Variants in ADAM8 observed in about 807,000 individuals in gnomAD.
ADAM8 encodes disintegrin and metalloproteinase domain-containing protein 8.
A neutral mutation model predicts 102.4 loss-of-function variants in ADAM8; 104 were observed. The ratio of observed to expected loss-of-function variants is 1.02; its 90% CI spans 0.87 to 1.20. The LOEUF is 1.20. ADAM8 is among the 50% of genes most tolerant of loss of function. ADAM8 has a pLI of 0.00. For synonymous variants in ADAM8, 517 were observed against 485.2 expected (o/e 1.07, Z -0.86); for missense variants, 1,132 against 1,159.0 (o/e 0.98, Z 0.34).
chr10:133,263,603 C>T, intron 22 of ADAM8, 85 bp downstream of exon 22: 2 of 52,740 alleles, frequency 3.8e-5, no homozygotes, highest in African/African-American at 7.8e-4. Context: ...CCCCACCCTC[C>T]AGGGCAGTGC....
intron 22 of ADAM8, 58 bp downstream of exon 22, chr10:133,263,630 G>GGGAGGCCGTGCCACTGTCAGCCCCGTGT: frequency 1.3e-6 from 2 of 1,482,000 alleles, no homozygotes; most frequent in Non-Finnish European, 9.0e-7. Context: ...CAGCCCCGTG[G>GGGAGGCCGTGCCACTGTCAGCCCCGTGT]GGAGGCCGTG....
In ADAM8 at chr10:133,263,758, T is replaced by C; in HGVS notation, c.2327A>G (p.Lys776Arg). Residue 776 changes from lysine (K) to arginine (R), a missense_variant, in exon 22 of 23, where the codon AAG becomes AGG. Physicochemically the swap from Lys to Arg is conservative, Grantham distance 26. Transcript: ENST00000445355. ...YTRQAPKQVI[K>R]PTFAPPVPPV... The stretch of plus-strand genomic sequence containing the variant: ...GGGCACTGGGGGTGCGAACGTTGGC[T>C]TGATGACCTGGGAGGAAACAGACAC... The C allele has an allele frequency of 1.9e-6, 3 of 1,567,060 alleles. No individual in the cohort carries two copies. Among genetic ancestry groups the C allele is most frequent in the Non-Finnish European group, 1.7e-6 (2 of 1,156,228 alleles).
Position 133,268,898 on chromosome 10 carries a change from C to T in ADAM8, c.1949-36G>A, listed in dbSNP as rs886538176. ...CACGGCCCCACATCAGGCAGGCAGG[C>T]CGCGACCTCAGGCAGGAGCCAGGGA... is the stretch of plus-strand genomic sequence containing the variant. On this transcript the variant is annotated intron_variant, in intron 18 of 22. Coordinates refer to ENST00000445355, the MANE Select transcript of ADAM8 (RefSeq NM_001109.5). 3.8e-6 allele frequency: 6 copies of T among 1,591,204 alleles called. No individual in the cohort carries two copies. In the Admixed American group the frequency reaches 6.9e-5, roughly 18 times the overall value.
At chr10:133,268,200 C>G (rs552903661) in intron 19 of ADAM8, 82 bp from the exon 20 acceptor site, 1 of 1,181,686 alleles carries the variant, frequency 8.5e-7, no homozygotes, top group African/African-American at 1.6e-5. Context: ...CCTCCCAGCT[C>G]CAGCCGACCC....
Position 133,269,968 on chromosome 10 carries a change from A to G in ADAM8, c.1792T>C (p.Trp598Arg). The change falls in exon 17 of 23, where the codon TGG (tryptophan) becomes CGG (arginine). Residue 598 changes from tryptophan (W) to arginine (R), a missense_variant. Trp to Arg is a moderately radical substitution (Grantham distance 101). Transcript: ENST00000445355. Reference sequence around the variant, plus strand: ...TGTAAGTCCTGGCAACGTCCTTTCCAGCAAACCTGGGGGTAGGAGGCGTCT... The same window carrying G: ...TGTAAGTCCTGGCAACGTCCTTTCCGGCAAACCTGGGGGTAGGAGGCGTCT... ...GTRCGPEKVC[W>R]KGRCQDLHVY... 1 of 1,612,640 alleles carries G rather than the reference A, an allele frequency of 6.2e-7. No homozygotes were observed. Among genetic ancestry groups the G allele is most frequent in the Non-Finnish European group, 8.5e-7 (1 of 1,179,940 alleles).
rs1053371630 is a variant in ADAM8 at position 133,269,509 on chromosome 10, C to T, written c.1884G>A (p.Glu628=). Residue 628 remains glutamate (E), a synonymous_variant, in exon 18 of 23, where the codon GAG becomes GAA. Coordinates refer to ENST00000445355, the MANE Select transcript of ADAM8 (RefSeq NM_001109.5). ...HNHGVCNHKQ[E]CHCHAGWAPP... The stretch of plus-strand genomic sequence containing the variant: ...GGGCCCAGCCCGCGTGGCAGTGGCA[C>T]TCCTGCTTGTGGTTGCACACCTGCG... 3.8e-6 allele frequency: 6 copies of T among 1,598,932 alleles called. No individual in the cohort carries two copies. Among genetic ancestry groups the T allele is most frequent in the South Asian group, 1.1e-5 (1 of 90,188 alleles).
intron 16 of ADAM8, 50 bp downstream of exon 16, chr10:133,270,310 C>T (rs113803251): frequency 1.9e-6 from 3 of 1,549,206 alleles, no homozygotes; most frequent in Non-Finnish European, 8.8e-7. Flanking sequence ...ACGTGGGGCA[C>T]ATGCCCGGGA....
At chr10:133,267,196 G>C (rs567590738) in intron 21 of ADAM8, among the ~76,000 whole-genome samples, 156 bp downstream of exon 21, 135 of 152,320 alleles carry the variant, frequency 8.9e-4, no homozygotes, top group African/African-American at 2.8e-3. Flanking sequence ...CTGCCTTTCT[G>C]TCTGATGTCC....
intron 13 of ADAM8, 23 bp downstream of exon 13, chr10:133,271,177 C>T: frequency 6.2e-7 from 1 of 1,605,400 alleles, no homozygotes; most frequent in Non-Finnish European, 8.5e-7. Context: ...CTCTGGGGGT[C>T]ACTGGTGGGA....
rs377414342 is a variant in ADAM8 at position 133,272,755 on chromosome 10, C to T, written c.705+43G>A. 89 of 1,574,156 alleles carry T rather than the reference C, an allele frequency of 5.7e-5. No homozygotes were observed. The African/African-American group carries it at 1.0e-3, about 18-fold the overall frequency. On this transcript the variant is annotated intron_variant, in intron 8 of 22. Transcript: ENST00000445355. ...CTGTGGCAACACCCCCCCCACCTCCCGCCAGGGGCTCTGGCACCTCTGCAG... is the reference window on the plus strand; with the variant it reads ...CTGTGGCAACACCCCCCCCACCTCCTGCCAGGGGCTCTGGCACCTCTGCAG...
At position 133,271,089 on chromosome 10, in the gene ADAM8, G is replaced by A; in HGVS notation, c.1375-19C>T. The A allele has an allele frequency of 6.2e-7, 1 of 1,605,924 alleles. No homozygotes were observed. Among genetic ancestry groups the A allele is most frequent in the Non-Finnish European group, 8.5e-7 (1 of 1,176,500 alleles). ...GCTTCACCTGGCCCAGCAGAGAACAGCTCACCATGGGGACAGGTCCACGCA... is the reference window on the plus strand; with the variant it reads ...GCTTCACCTGGCCCAGCAGAGAACAACTCACCATGGGGACAGGTCCACGCA... On this transcript the variant is annotated intron_variant, in intron 13 of 22. Transcript: ENST00000445355.
rs1589811054 is a variant in ADAM8, at chr10:133,273,090, G to A, written c.574-71C>T. 27 of 1,608,250 alleles carry A rather than the reference G, an allele frequency of 1.7e-5. No homozygotes were observed. In the East Asian group the frequency reaches 3.8e-4, roughly 23 times the overall value. ...GCCTGGACCCTCCCTCAGGGACCCG[G>A]GGCCACTGTCCAGCCCCTGTCCAGT... On this transcript the variant is annotated intron_variant, in intron 6 of 22. Coordinates refer to ENST00000445355, the MANE Select transcript of ADAM8 (RefSeq NM_001109.5).
In ADAM8 at chr10:133,272,655, G is replaced by A. The variant is rs982157941; in HGVS notation, c.706-70C>T. 9.7e-6 allele frequency: 15 copies of A among 1,551,942 alleles called. No homozygotes were observed. In the African/African-American group the frequency reaches 1.8e-4, roughly 18 times the overall value. ...GGTACAGCAGGGAGGGTGGGTGGCG[G>A]AGGATGCACCTGTCCCACGGCGAGG... On this transcript the variant is annotated intron_variant, in intron 8 of 22. Coordinates refer to ENST00000445355, the MANE Select transcript of ADAM8 (RefSeq NM_001109.5).
rs776405242 is a variant in ADAM8, at chr10:133,263,008, G to A, written c.*148C>T. 7 of 960,378 alleles carry A rather than the reference G, an allele frequency of 7.3e-6. No individual in the cohort carries two copies. The highest frequency in any genetic ancestry group is 1.2e-5 in the Non-Finnish European group (7 of 596,228). 59.5% of individuals were successfully genotyped at this position (960,378 alleles called of 1,614,324 possible). ...GGCGTGGACAGCAGGAGCCTCTCAG[G>A]TAGATGCATTCCTGAGGTTAGAACA... On this transcript the variant is annotated 3_prime_UTR_variant, in exon 23 of 23. Coordinates refer to ENST00000445355, the MANE Select transcript of ADAM8 (RefSeq NM_001109.5).
chr10:133,270,112 G>T, intron 16 of ADAM8, 138 bp from the exon 17 acceptor site: 2 of 1,172,918 alleles, frequency 1.7e-6, no homozygotes, highest in Non-Finnish European at 1.2e-6. Flanking sequence ...TCTGCCGGCT[G>T]CCTACCCCCA....
At chr10:133,265,184 C>T (rs1451503342) in intron 21 of ADAM8, among the ~76,000 whole-genome samples, 2 of 142,908 alleles carry the variant, frequency 1.4e-5, no homozygotes, top group South Asian at 4.7e-4. Flanking sequence ...ACCTCCACGC[C>T]CAGCTCCTGC....
intron 1 of ADAM8, among the ~76,000 whole-genome samples, chr10:133,276,349 C>CG (rs1172971471): frequency 1.3e-5 from 2 of 152,178 alleles, no homozygotes; most frequent in Non-Finnish European, 2.9e-5. Context: ...AGGCAGGAGA[C>CG]GGGTCCCCTC....
At chr10:133,264,666 C>T (rs1043093326) in intron 21 of ADAM8, among the ~76,000 whole-genome samples, 1 of 151,210 alleles carries the variant, frequency 6.6e-6, no homozygotes, top group Non-Finnish European at 1.5e-5. Context: ...TCTACTGCCA[C>T]GCCTGTTCCT....
chr10:133,263,668 GGT>G lies in ADAM8; in HGVS notation c.2397+18_2397+19del. 1 of 1,540,232 alleles carries G rather than the reference GGT, an allele frequency of 6.5e-7. No individual in the cohort carries two copies. Among genetic ancestry groups the G allele is most frequent in the East Asian group, 2.5e-5 (1 of 40,572 alleles). On this transcript the variant is annotated intron_variant, in intron 22 of 22. Coordinates refer to ENST00000445355, the MANE Select transcript of ADAM8 (RefSeq NM_001109.5). ...GTCCATTGCACAGTGGACTCTGCCT[GGT>G]GTGTGCTGGGGCCTCACCTCAGCTG...
Sources: allele counts gnomAD v4.1 joint callset (sites outside exome capture counted in the v4.1 genomes callset), GRCh38; gene constraint gnomAD v4.1.1; transcripts MANE v1.5; gene names NCBI Gene and HGNC (gene_info 2026-07-23, HGNC 2026-07-21).